The following TRIP11 variants were observed in gnomAD, a reference collection of about 807,000 sequenced individuals.
The protein encoded by TRIP11 is thyroid hormone receptor interactor 11, also known as thyroid receptor-interacting protein 11.
Under a neutral mutation model 223.1 loss-of-function variants are expected in TRIP11, and 148 were observed. That is an observed-to-expected ratio of 0.66 (90% confidence interval 0.58 to 0.76). TRIP11 has a LOEUF of 0.76. Among genes scored for constraint, TRIP11 ranks in the 30% least tolerant of loss-of-function variants. The pLI is 0.00. For missense variants in TRIP11, 2,043 were observed against 2,222.0 expected (o/e 0.92, Z 1.62); for synonymous variants, 762 against 772.6 (o/e 0.99, Z 0.23).
intron 2 of TRIP11, among the ~76,000 whole-genome samples, chr14:92,029,924 G>A (rs899884957): frequency 9.3e-5 from 14 of 150,614 alleles, no homozygotes; most frequent in Non-Finnish European, 1.6e-4. Context: ...TGGGCCGGGC[G>A]CGGTGGCTCA....
At chr14:91,985,726 C>A in intron 16 of TRIP11, among the ~76,000 whole-genome samples, 1 of 152,166 alleles carries the variant, frequency 6.6e-6, no homozygotes, top group Non-Finnish European at 1.5e-5. Flanking sequence ...AATTGTTTCT[C>A]CTGGCAAATA....
rs1249844819 is a variant in TRIP11, at chr14:92,006,405, T to A, written c.1571A>T (p.Glu524Val). The change falls in exon 11 of 21, where the codon GAA becomes GTA. Residue 524 changes from glutamate (E) to valine (V), a missense_variant. Transcript: ENST00000267622. ...IKDQLSKQQN[E>V]GDSIISKLKQ... ...CAGTTTACTGATGATGCTATCTCCT[T>A]CATTTTGTTGTTTTGATAGCTGATC... is the stretch of plus-strand genomic sequence containing the variant. 1 of 1,613,198 alleles carries A rather than the reference T, an allele frequency of 6.2e-7. No individual in the cohort carries two copies. Among genetic ancestry groups the A allele is most frequent in the East Asian group, 2.2e-5 (1 of 44,726 alleles).
chr14:91,981,768 G>A (rs1215236022), intron 16 of TRIP11, among the ~76,000 whole-genome samples: 1 of 152,170 alleles, frequency 6.6e-6, no homozygotes, highest in East Asian at 1.9e-4. Context: ...TATGGTAAAT[G>A]TTTTGTTGTC....
At chr14:92,007,500 T>G in intron 10 of TRIP11, 140 bp downstream of exon 10, 26 of 878,572 alleles carry the variant, frequency 3.0e-5, no homozygotes, top group East Asian at 7.9e-5. Flanking sequence ...ACAAGGCCAA[T>G]GATATTTACT....
chr14:92,011,441 A>G (rs971555068), intron 8 of TRIP11, among the ~76,000 whole-genome samples: 2 of 139,110 alleles, frequency 1.4e-5, no homozygotes, highest in African/African-American at 5.3e-5. Context: ...CGGAGAGCCG[A>G]GATCGCGACT....
chr14:92,017,645 T>C lies in TRIP11; in HGVS notation c.657+37A>G, dbSNP rs2057050818. 12 of 1,502,224 alleles carry C rather than the reference T, an allele frequency of 8.0e-6. No individual in the cohort carries two copies. The East Asian group carries it at 1.8e-4, about 23-fold the overall frequency. 93.1% of individuals were successfully genotyped at this position (1,502,224 alleles called of 1,614,324 possible). ...TATGCTTTTAATAAGCAGATTTAGA[T>C]GTATAACTCCCATCATCAATCAACA... On this transcript the variant is annotated intron_variant, in intron 5 of 20. Transcript: ENST00000267622.
chr14:91,975,141 T>C, intron 18 of TRIP11, 31 bp downstream of exon 18: 1 of 1,554,726 alleles, frequency 6.4e-7, no homozygotes, highest in Non-Finnish European at 8.9e-7. Context: ...GGATTATGAA[T>C]GTGTTCAGAT....
intron 16 of TRIP11, among the ~76,000 whole-genome samples, chr14:91,983,894 A>G (rs1462170146): frequency 6.6e-6 from 1 of 152,240 alleles, no homozygotes; most frequent in Non-Finnish European, 1.5e-5. Context: ...TTTACCATCC[A>G]GCACCGTAAA....
In TRIP11 at chr14:92,003,845, A is replaced by G; in HGVS notation, c.4131T>C (p.Ile1377=). 6.2e-7 allele frequency: 1 copy of G among 1,614,096 alleles called. No homozygotes were observed. Among genetic ancestry groups the G allele is most frequent in the East Asian group, 2.2e-5 (1 of 44,880 alleles). The change falls in exon 11 of 21, where the codon ATT becomes ATC. Residue 1377 remains isoleucine (I), a synonymous_variant. Coordinates refer to ENST00000267622, the MANE Select transcript of TRIP11 (RefSeq NM_004239.4). ...TTCTTTCTAGCTCTGAGGTGGCAGCAATCGAATCAGACAATCTGTGGTTAT... is the reference window on the plus strand; with the variant it reads ...TTCTTTCTAGCTCTGAGGTGGCAGCGATCGAATCAGACAATCTGTGGTTAT... ...QENNHRLSDS[I]AATSELERKE... is the part of the protein sequence containing the mutation.
chr14:91,972,979 A>ATT, intron 19 of TRIP11, 118 bp from the exon 20 acceptor site: 1 of 868,152 alleles, frequency 1.2e-6, no homozygotes, highest in Non-Finnish European at 1.7e-6. Context: ...CACTTGAATA[A>ATT]TTTTTTTTTA....
intron 13 of TRIP11, among the ~76,000 whole-genome samples, chr14:91,998,363 G>T (rs1566855000): frequency 6.6e-6 from 1 of 152,100 alleles, no homozygotes; most frequent in Non-Finnish European, 1.5e-5. Context: ...GGGATATCAT[G>T]TCAACACTCA....
chr14:91,999,002 A>G lies in TRIP11; in HGVS notation c.4892+238T>C, dbSNP rs10144861. Among the ~76,000 whole-genome samples the G allele has an allele frequency of 0.049, 7,494 of 152,278 alleles. 553 individuals are homozygous for G. The highest frequency in any genetic ancestry group is 0.16 in the African/African-American group (6,650 of 41,518). On this transcript the variant is annotated intron_variant, in intron 13 of 20. Coordinates refer to ENST00000267622, the MANE Select transcript of TRIP11 (RefSeq NM_004239.4). The stretch of plus-strand genomic sequence containing the variant: ...GGCAGTGATCTAGGGTGATGGTCAA[A>G]ACACAGACAGTTTGAATGCCAGATC...
chr14:92,007,618 A>G lies in TRIP11; in HGVS notation c.1527+22T>C, dbSNP rs762119127. On this transcript the variant is annotated intron_variant, in intron 10 of 20. Coordinates refer to ENST00000267622, the MANE Select transcript of TRIP11 (RefSeq NM_004239.4). ...TTTACTTAGTAGAATGTGCTGCCTTACTGTATTTAATACAGTGTTACCTTT... is the reference window on the plus strand; with the variant it reads ...TTTACTTAGTAGAATGTGCTGCCTTGCTGTATTTAATACAGTGTTACCTTT... 9 of 1,609,282 alleles carry G rather than the reference A, an allele frequency of 5.6e-6. No homozygotes were observed. In the East Asian group the frequency reaches 6.7e-5, roughly 12 times the overall value.
At chr14:92,038,328 C>T (rs1270525958) in intron 1 of TRIP11, among the ~76,000 whole-genome samples, 2 of 152,104 alleles carry the variant, frequency 1.3e-5, no homozygotes, top group African/African-American at 4.8e-5. Context: ...ATACAAGGAG[C>T]GACCAGTCAT....
chr14:91,989,338 TC>T (rs2056645005), intron 15 of TRIP11, among the ~76,000 whole-genome samples: 1 of 152,044 alleles, frequency 6.6e-6, no homozygotes, highest in Admixed American at 6.6e-5. Context: ...TGTTTTTTTT[TC>T]CTTCCTTCCT....
chr14:91,992,652 G>A (rs1179839537), intron 15 of TRIP11, among the ~76,000 whole-genome samples: 2 of 151,970 alleles, frequency 1.3e-5, no homozygotes, highest in African/African-American at 4.8e-5. Context: ...GGCATGGTGG[G>A]TAATCCCAGC....
At chr14:92,034,148 T>C (rs2057298146) in intron 1 of TRIP11, among the ~76,000 whole-genome samples, 1 of 152,066 alleles carries the variant, frequency 6.6e-6, no homozygotes, top group Non-Finnish European at 1.5e-5. Context: ...GGAGGTCAGG[T>C]ACGGTGGCTC....
chr14:92,027,355 C>T (rs183873131), intron 2 of TRIP11, among the ~76,000 whole-genome samples: 2 of 152,118 alleles, frequency 1.3e-5, no homozygotes, highest in East Asian at 3.9e-4. Flanking sequence ...TTATTCCGAG[C>T]ATTCCAATAA....
At chr14:92,025,491 A>ACGTTTTTCATAATGCTG in intron 2 of TRIP11, 71 bp from the exon 3 acceptor site, 2 of 1,092,200 alleles carry the variant, frequency 1.8e-6, no homozygotes, top group Non-Finnish European at 2.7e-6. Context: ...GCACAGCATT[A>ACGTTTTTCATAATGCTG]TGAAAAACGT....
Sources: allele counts gnomAD v4.1 joint callset (sites outside exome capture counted in the v4.1 genomes callset), GRCh38; gene constraint gnomAD v4.1.1; transcripts MANE v1.5; gene names NCBI Gene and HGNC (gene_info 2026-07-23, HGNC 2026-07-21).